Variants in DENND5B observed in about 807,000 individuals in gnomAD.
DENND5B encodes the protein DENN domain containing 5B, also known as DENN domain-containing protein 5B.
DENND5B carries 34 observed loss-of-function variants against 140.6 expected under a neutral mutation model. The ratio of observed to expected loss-of-function variants is 0.24; its 90% CI spans 0.18 to 0.32. The LOEUF (loss-of-function observed/expected upper bound fraction) is 0.32. DENND5B is among the 10% of genes least tolerant of loss of function. The pLI is 1.00. For missense variants in DENND5B, 1,142 were observed against 1,560.2 expected, an observed-to-expected ratio of 0.73 and a Z score of 4.52; for synonymous variants, 551 against 562.1, an observed-to-expected ratio of 0.98 and a Z score of 0.28.
In DENND5B at chr12:31,383,462, G is replaced by A. The variant is rs187536281; in HGVS notation, c.*4141C>T. On this transcript the variant is annotated 3_prime_UTR_variant, in exon 21 of 21. Coordinates refer to ENST00000389082, the MANE Select transcript of DENND5B (RefSeq NM_144973.4). Reference sequence around the variant, plus strand: ...ATTTCCCCCATATCATTCATATAGTGTGATAGAAGTTCATTAAAATAATTT... The same window carrying A: ...ATTTCCCCCATATCATTCATATAGTATGATAGAAGTTCATTAAAATAATTT... 22 of 152,246 alleles carry A rather than the reference G, an allele frequency of 1.4e-4. No individual in the cohort carries two copies. The East Asian group carries it at 4.2e-3, about 29-fold the overall frequency. 9.4% of individuals were successfully genotyped at this position (152,246 alleles called of 1,614,324 possible).
chr12:31,509,230 C>G (rs1947317331), intron 1 of DENND5B, among the ~76,000 whole-genome samples: 1 of 152,154 alleles, frequency 6.6e-6, no homozygotes, highest in Non-Finnish European at 1.5e-5. Flanking sequence ...GTTTACACAA[C>G]CAAGCTCATT....
rs1334490486 is a variant in DENND5B at position 31,447,697 on chromosome 12, C to A, written c.1702G>T (p.Ala568Ser). The A allele has an allele frequency of 6.2e-7, 1 of 1,612,504 alleles. No individual in the cohort carries two copies. Among genetic ancestry groups the A allele is most frequent in the Non-Finnish European group, 8.5e-7 (1 of 1,179,284 alleles). ...LSRFIETQMF[A>S]TFIDNKIMSQ... ...ATAATTTTATTATCAATAAAGGTGG[C>A]AAACATCTGTGTTTCAATGAAGCGT... The change falls in exon 6 of 21, where the codon GCC becomes TCC. Residue 568 changes from alanine (A) to serine (S), a missense_variant. Transcript: ENST00000389082.
At position 31,396,810 on chromosome 12, in the gene DENND5B, C is replaced by T. The variant is rs369517301; in HGVS notation, c.3256+1365G>A. On this transcript the variant is annotated intron_variant, in intron 17 of 20. Coordinates refer to ENST00000389082, the MANE Select transcript of DENND5B (RefSeq NM_144973.4). The stretch of plus-strand genomic sequence containing the variant: ...TTAATTTTTGTTTTTTTAGTAGAGA[C>T]GGGGTTTTGCTATGTTGGCCAGGTT... Among the ~76,000 whole-genome samples, 16 of 152,056 alleles carry T rather than the reference C, an allele frequency of 1.1e-4. No individual in the cohort carries two copies. In the South Asian group the frequency reaches 3.1e-3, roughly 30 times the overall value.
At chr12:31,427,605 C>CA (rs71062431) in intron 8 of DENND5B, among the ~76,000 whole-genome samples, 52,079 of 139,864 alleles carry the variant, frequency 0.37, 10,101 homozygotes, top group Non-Finnish European at 0.47. Context: ...GACTCCATCT[C>CA]AAAAAAAAAA....
At position 31,414,798 on chromosome 12, in the gene DENND5B, G is replaced by A. The variant is rs1418921053; in HGVS notation, c.2552+569C>T. On this transcript the variant is annotated intron_variant, in intron 12 of 20. Transcript: ENST00000389082. ...CAAAAAATTCGCCAGGAATGGTGGCGCATGCCTGTGCTACTCAGGAGGCTG... is the reference window on the plus strand; with the variant it reads ...CAAAAAATTCGCCAGGAATGGTGGCACATGCCTGTGCTACTCAGGAGGCTG... Among the ~76,000 whole-genome samples the A allele has an allele frequency of 2.6e-5, 4 of 151,858 alleles. 1 individual carries two copies. In the South Asian group the frequency reaches 6.2e-4, roughly 24 times the overall value.
At chr12:31,579,376 T>C (rs916222704) in intron 1 of DENND5B, among the ~76,000 whole-genome samples, 1 of 152,116 alleles carries the variant, frequency 6.6e-6, no homozygotes, top group Non-Finnish European at 1.5e-5. Context: ...TGAAAAGTAA[T>C]GGAGGCCAGG....
intron 1 of DENND5B, among the ~76,000 whole-genome samples, chr12:31,563,754 G>A (rs1363977857): frequency 1.3e-5 from 2 of 152,136 alleles, no homozygotes; most frequent in Non-Finnish European, 2.9e-5. Context: ...ACATGCAAAT[G>A]CCTTTTGCAA....
At chr12:31,573,178 G>C (rs990194061) in intron 1 of DENND5B, among the ~76,000 whole-genome samples, 12 of 152,102 alleles carry the variant, frequency 7.9e-5, no homozygotes, top group Admixed American at 7.9e-4. Flanking sequence ...CATTAGTTCA[G>C]AGATATTAAA....
At chr12:31,414,248 A>C (rs1942609861) in intron 12 of DENND5B, among the ~76,000 whole-genome samples, 1 of 152,166 alleles carries the variant, frequency 6.6e-6, no homozygotes, top group Admixed American at 6.6e-5. Flanking sequence ...ATACATTGTA[A>C]GAGTTGACTA....
chr12:31,541,036 C>G, intron 1 of DENND5B: 1 of 358,748 alleles, frequency 2.8e-6, no homozygotes, highest in Non-Finnish European at 5.2e-6. Flanking sequence ...GTATCTCTTA[C>G]CATATAAAAA....
intron 1 of DENND5B, among the ~76,000 whole-genome samples, chr12:31,546,578 T>A (rs547954431): frequency 2.0e-5 from 3 of 152,054 alleles, no homozygotes; most frequent in Non-Finnish European, 4.4e-5. Context: ...TCCCAGCTCC[T>A]CAGGAGGCTG....
At chr12:31,434,419 G>A (rs752191473) in intron 7 of DENND5B, among the ~76,000 whole-genome samples, 199 of 152,250 alleles carry the variant, frequency 1.3e-3, no homozygotes, top group Non-Finnish European at 2.1e-3. Flanking sequence ...GATCAGGTGC[G>A]TTCAAGGTGG....
chr12:31,392,497 T>C, intron 18 of DENND5B, 104 bp from the exon 19 acceptor site: 1 of 1,551,864 alleles, frequency 6.4e-7, no homozygotes, highest in Non-Finnish European at 8.7e-7. Flanking sequence ...AAGCATGTTT[T>C]TACAGCTACC....
chr12:31,545,366 T>A (rs2139196658), intron 1 of DENND5B, among the ~76,000 whole-genome samples: 1 of 152,270 alleles, frequency 6.6e-6, no homozygotes, highest in East Asian at 1.9e-4. Context: ...AATACCCGTT[T>A]TTCAACCATT....
At chr12:31,493,789 C>T (rs971692081) in intron 2 of DENND5B, among the ~76,000 whole-genome samples, 1 of 152,172 alleles carries the variant, frequency 6.6e-6, no homozygotes, top group East Asian at 1.9e-4. Context: ...CAAGATTGTG[C>T]CACTGCACTC....
intron 1 of DENND5B, among the ~76,000 whole-genome samples, chr12:31,539,622 A>C (rs147764062): frequency 6.6e-6 from 1 of 152,346 alleles, no homozygotes; most frequent in East Asian, 1.9e-4. Context: ...AAAATGAAGA[A>C]CAAAAACCAT....
In DENND5B at chr12:31,383,901, C is replaced by T. The variant is rs1940739732; in HGVS notation, c.*3702G>A. 6.6e-6 allele frequency: 1 copy of T among 152,136 alleles called. No homozygotes were observed. The highest frequency in any genetic ancestry group is 2.4e-5 in the African/African-American group (1 of 41,410). 9.4% of individuals were successfully genotyped at this position (152,136 alleles called of 1,614,324 possible). On this transcript the variant is annotated 3_prime_UTR_variant, in exon 21 of 21. Coordinates refer to ENST00000389082, the MANE Select transcript of DENND5B (RefSeq NM_144973.4). ...CAATTTAATTTTAAAACAACTTCTT[C>T]ACCAGCTATTACTATGCAAAAATAA...
chr12:31,505,089 T>C (rs968769685), intron 1 of DENND5B, among the ~76,000 whole-genome samples: 1 of 152,226 alleles, frequency 6.6e-6, no homozygotes, highest in East Asian at 1.9e-4. Context: ...ATGTGTTTAC[T>C]AGCCTGAGTT....
chr12:31,474,159 C>A (rs1945684363), intron 3 of DENND5B, among the ~76,000 whole-genome samples: 1 of 152,160 alleles, frequency 6.6e-6, no homozygotes, highest in Admixed American at 6.5e-5. Flanking sequence ...AGAGGGATGG[C>A]AGACAAGCAC....
Sources: allele counts gnomAD v4.1 joint callset (sites outside exome capture counted in the v4.1 genomes callset), GRCh38; gene constraint gnomAD v4.1.1; transcripts MANE v1.5; gene names NCBI Gene and HGNC (gene_info 2026-07-23, HGNC 2026-07-21).